The following SLC39A13 variants were observed in gnomAD, a reference collection of about 807,000 sequenced individuals.
The protein encoded by SLC39A13 is solute carrier family 39 member 13, also known as zinc transporter ZIP13.
A neutral mutation model predicts 38.7 loss-of-function variants in SLC39A13; 18 were observed. The ratio of observed to expected loss-of-function variants is 0.47; its 90% CI spans 0.32 to 0.69. The LOEUF is 0.69. SLC39A13 is among the 30% of genes least tolerant of loss of function. The probability of loss-of-function intolerance (pLI) is 0.03; values close to 1 mark genes in which losing one functional copy is unlikely to be tolerated. For missense variants in SLC39A13, 395 were observed against 490.7 expected, an observed-to-expected ratio of 0.80 and a Z score of 1.84; for synonymous variants, 212 against 219.1, an observed-to-expected ratio of 0.97 and a Z score of 0.29.
At chr11:47,413,913 G>A in intron 6 of SLC39A13, 1 of 709,660 alleles carries the variant, frequency 1.4e-6, no homozygotes, top group Non-Finnish European at 2.6e-6. Flanking sequence ...CTGTCAAGCT[G>A]CTAGGCGTGG....
At position 47,415,483 on chromosome 11, in the gene SLC39A13, C is replaced by T; in HGVS notation, c.*120C>T. ...CTGCGAGAGAGAATGAGCCTCCCGC[C>T]AGACAGGAGGGAGGTGCGTGTGGAT... On this transcript the variant is annotated 3_prime_UTR_variant, in exon 10 of 10. Coordinates refer to ENST00000362021, the MANE Select transcript of SLC39A13 (RefSeq NM_001128225.3). 8.9e-7 allele frequency: 1 copy of T among 1,128,890 alleles called. No homozygotes were observed. The highest frequency in any genetic ancestry group is 1.3e-5 in the South Asian group (1 of 79,896). 69.9% of individuals were successfully genotyped at this position (1,128,890 alleles called of 1,614,324 possible).
chr11:47,410,278 G>A lies in SLC39A13; in HGVS notation c.184G>A (p.Gly62Arg), dbSNP rs200726045. 1.4e-5 allele frequency: 22 copies of A among 1,614,136 alleles called. No homozygotes were observed. The highest frequency in any genetic ancestry group is 1.0e-4 in the Admixed American group (6 of 60,028). The change falls in exon 2 of 10, where the codon GGA becomes AGA. Residue 62 changes from glycine (G) to arginine (R), a missense_variant. Gly to Arg is a moderately radical substitution (Grantham distance 125). Coordinates refer to ENST00000362021, the MANE Select transcript of SLC39A13 (RefSeq NM_001128225.3). The part of the protein sequence containing the change: ...ESESWGALLS[G>R]ERLDTWICSL... ...CGAGTCCTGGGGGGCTCTGCTGAGC[G>A]GAGAGCGGCTGGACACCTGGATCTG...
chr11:47,413,433 G>GC lies in SLC39A13; in HGVS notation c.572dup (p.Leu192AlafsTer38), dbSNP rs2096009639. 2 of 1,613,960 alleles carry GC rather than the reference G, an allele frequency of 1.2e-6. No homozygotes were observed. The highest frequency in any genetic ancestry group is 1.7e-6 in the Non-Finnish European group (2 of 1,179,954). On this transcript the variant is annotated frameshift_variant, in exon 5 of 10. Transcript: ENST00000362021. LOFTEE classifies it high-confidence loss of function. ...CAAAGACCCCACTGCTGCTGCCGCC[G>GC]CGCTCAATGGAGGCCACTGTCTGGC...
At chr11:47,407,584 C>T (rs920364212), upstream of SLC39A13, 3 of 152,276 alleles carry the variant, frequency 2.0e-5, no homozygotes, top group Non-Finnish European at 2.9e-5. Flanking sequence ...TGGCTGATTT[C>T]CAGAGAAGAA....
At chr11:47,411,536 T>G (rs1464595382) in intron 2 of SLC39A13, among the ~76,000 whole-genome samples, 2 of 151,638 alleles carry the variant, frequency 1.3e-5, no homozygotes, top group African/African-American at 4.8e-5. Flanking sequence ...ACCTGGGAGA[T>G]GGAGGTTGCA....
Position 47,414,449 on chromosome 11 carries a change from A to G in SLC39A13, c.760A>G (p.Ile254Val). 3.7e-6 allele frequency: 6 copies of G among 1,612,110 alleles called. No individual in the cohort carries two copies. The highest frequency in any genetic ancestry group is 5.1e-6 in the Non-Finnish European group (6 of 1,179,308). ...GATCGGGCTCCTGACAACCATGGCC[A>G]TCCTCCTGCATGAGATCCCCCATGA... is the stretch of plus-strand genomic sequence containing the variant. Reference protein sequence around the residue: ...KKIGLLTTMAILLHEIPHEVG... With the variant: ...KKIGLLTTMAVLLHEIPHEVG... The change falls in exon 7 of 10, where the codon ATC (isoleucine) becomes GTC (valine). Residue 254 changes from isoleucine (I) to valine (V), a missense_variant. Coordinates refer to ENST00000362021, the MANE Select transcript of SLC39A13 (RefSeq NM_001128225.3).
intron 2 of SLC39A13, 114 bp downstream of exon 2, chr11:47,410,509 T>C (rs1467189367): frequency 2.2e-6 from 3 of 1,374,190 alleles, no homozygotes; most frequent in African/African-American, 2.8e-5. Flanking sequence ...GAGGATAGAA[T>C]AGAACTTCTC....
At chr11:47,414,728 G>T in intron 7 of SLC39A13, 49 bp from the exon 8 acceptor site, 1 of 1,600,326 alleles carries the variant, frequency 6.2e-7, no homozygotes, top group Non-Finnish European at 8.5e-7. Flanking sequence ...AGCACTCAGG[G>T]CATCAGGCCC....
upstream of SLC39A13, among the ~76,000 whole-genome samples, chr11:47,408,265 C>A (rs1595874409): frequency 6.6e-6 from 1 of 152,190 alleles, no homozygotes; most frequent in South Asian, 2.1e-4. Flanking sequence ...GAAGCGGCGG[C>A]CAGATCCGCA....
chr11:47,415,193 TCA>T, intron 9 of SLC39A13, 34 bp downstream of exon 9: 1 of 1,612,112 alleles, frequency 6.2e-7, no homozygotes, highest in Non-Finnish European at 8.5e-7. Flanking sequence ...GGACTGCCAC[TCA>T]CAGGGCCCTT....
chr11:47,409,828 A>C, intron 1 of SLC39A13: 1 of 454,006 alleles, frequency 2.2e-6, no homozygotes, highest in Non-Finnish European at 4.0e-6. Context: ...GTCATTAGGG[A>C]AAGTTTAGCC....
chr11:47,415,526 G>C lies in SLC39A13; in HGVS notation c.*163G>C. ...GTGTGGATGTATGTGGTGTGCACAT[G>C]TGGCCAGAGGTGTGTGCGCGAGACC... is the stretch of plus-strand genomic sequence containing the variant. On this transcript the variant is annotated 3_prime_UTR_variant, in exon 10 of 10. Coordinates refer to ENST00000362021, the MANE Select transcript of SLC39A13 (RefSeq NM_001128225.3). 2 of 787,526 alleles carry C rather than the reference G, an allele frequency of 2.5e-6. No individual in the cohort carries two copies. Among genetic ancestry groups the C allele is most frequent in the Non-Finnish European group, 4.3e-6 (2 of 464,392 alleles). The allele number at this position is 787,526 out of a possible 1,614,324, so 48.8% of individuals were successfully genotyped here. A position where few individuals can be genotyped will look rare whatever the true frequency, so the allele number is the denominator to read the frequency against.
At chr11:47,414,247 C>T (rs1392653731) in intron 6 of SLC39A13, 178 bp from the exon 7 acceptor site, 10 of 690,394 alleles carry the variant, frequency 1.4e-5, no homozygotes, top group East Asian at 2.7e-5. Context: ...CCCTCTATAC[C>T]GCTAGCTTCG....
rs2096022438 is a variant in SLC39A13, at chr11:47,415,426, C to A, written c.*63C>A. On this transcript the variant is annotated 3_prime_UTR_variant, in exon 10 of 10. Transcript: ENST00000362021. ...TAAGATGCTCGGATTCACTCTGTGACCGCATATGTGAGAGGCAGAGAGGGC... is the reference window on the plus strand; with the variant it reads ...TAAGATGCTCGGATTCACTCTGTGAACGCATATGTGAGAGGCAGAGAGGGC... 3.8e-6 allele frequency: 6 copies of A among 1,577,632 alleles called. No homozygotes were observed. Among genetic ancestry groups the A allele is most frequent in the Admixed American group, 3.3e-5 (2 of 59,966 alleles).
In SLC39A13 at chr11:47,416,020, C is replaced by A; in HGVS notation, c.*657C>A. The stretch of plus-strand genomic sequence containing the variant: ...CTCATTCCTGGCCAACACGCCCTGG[C>A]AGCACCAGCAGCTCTTGCCACCTCC... On this transcript the variant is annotated 3_prime_UTR_variant, in exon 10 of 10. Transcript: ENST00000362021. The A allele has an allele frequency of 6.4e-6, 1 of 155,286 alleles. No homozygotes were observed. The highest frequency in any genetic ancestry group is 2.4e-5 in the African/African-American group (1 of 41,610). The allele number at this position is 155,286 out of a possible 1,614,324, so 9.6% of individuals were successfully genotyped here.
intron 2 of SLC39A13, among the ~76,000 whole-genome samples, chr11:47,411,641 C>G (rs1223845637): frequency 1.3e-5 from 2 of 152,176 alleles, no homozygotes; most frequent in Non-Finnish European, 2.9e-5. Flanking sequence ...TCCCATAAGA[C>G]CCAATTTACA....
At chr11:47,414,943 A>T (rs773553425) in intron 8 of SLC39A13, 34 bp downstream of exon 8, 6 of 1,601,284 alleles carry the variant, frequency 3.7e-6, no homozygotes, top group African/African-American at 2.7e-5. Context: ...GGCGGGTGGC[A>T]TCAGCAGAGG....
At chr11:47,411,495 C>G (rs1321156197) in intron 2 of SLC39A13, among the ~76,000 whole-genome samples, 1 of 152,192 alleles carries the variant, frequency 6.6e-6, no homozygotes, top group Non-Finnish European at 1.5e-5. Flanking sequence ...ATCCCAGCTA[C>G]TCAGGAGGCT....
At chr11:47,411,717 C>A (rs906409493) in intron 2 of SLC39A13, among the ~76,000 whole-genome samples, 13 of 152,388 alleles carry the variant, frequency 8.5e-5, no homozygotes, top group Middle Eastern at 6.8e-3. Context: ...GGAGCTGGGA[C>A]CTGTCAGCTC....
Sources: allele counts gnomAD v4.1 joint callset (sites outside exome capture counted in the v4.1 genomes callset), GRCh38; gene constraint gnomAD v4.1.1; transcripts MANE v1.5; gene names NCBI Gene and HGNC (gene_info 2026-07-23, HGNC 2026-07-21).